Variants in PPP3CB observed in about 807,000 individuals in gnomAD.
The protein encoded by PPP3CB is serine/threonine-protein phosphatase 2B catalytic subunit beta isoform.
A neutral mutation model predicts 66.4 loss-of-function variants in PPP3CB; 8 were observed. The observed-to-expected ratio is 0.12, with a 90% CI of 0.07 to 0.22. The LOEUF (loss-of-function observed/expected upper bound fraction) is 0.22, where lower values mean the gene tolerates loss of function less well. PPP3CB is among the 10% of genes least tolerant of loss of function. PPP3CB has a pLI of 1.00. For missense variants in PPP3CB, 319 were observed against 642.5 expected (o/e 0.50, Z 5.44); for synonymous variants, 208 against 221.2 (o/e 0.94, Z 0.53).
intron 8 of PPP3CB, among the ~76,000 whole-genome samples, chr10:73,470,144 TA>T (rs1366996035): frequency 2.0e-5 from 3 of 150,610 alleles, no homozygotes; most frequent in Non-Finnish European, 4.4e-5. Context: ...GCAGTAAAAA[TA>T]AAGAGAAGAA....
At chr10:73,444,575 T>C (rs1312182457) in intron 12 of PPP3CB, 150 bp downstream of exon 12, 1 of 1,549,860 alleles carries the variant, frequency 6.5e-7, no homozygotes, top group Admixed American at 2.0e-5. Context: ...AATGAGACAC[T>C]AGCTAATACA....
At chr10:73,460,611 A>G (rs1463067176) in intron 9 of PPP3CB, among the ~76,000 whole-genome samples, 1 of 152,230 alleles carries the variant, frequency 6.6e-6, no homozygotes, top group Non-Finnish European at 1.5e-5. Context: ...ATAGAAGAAA[A>G]TGTTTAAGAA....
chr10:73,464,941 T>G (rs1213517236), intron 9 of PPP3CB, among the ~76,000 whole-genome samples: 1 of 146,892 alleles, frequency 6.8e-6, no homozygotes, highest in Admixed American at 6.7e-5. Flanking sequence ...AATGAGACTG[T>G]GCCTCAAAAA....
chr10:73,455,762 G>A (rs1012270420), intron 9 of PPP3CB, among the ~76,000 whole-genome samples: 1 of 152,118 alleles, frequency 6.6e-6, no homozygotes, highest in African/African-American at 2.4e-5. Flanking sequence ...AGTAGAGATG[G>A]GGTTTCACCG....
At chr10:73,444,519 T>G (rs1268684559) in intron 12 of PPP3CB, 1 of 1,474,382 alleles carries the variant, frequency 6.8e-7, no homozygotes, top group Admixed American at 2.1e-5. Context: ...TATTTTCAAT[T>G]GAAAGGAATA....
In PPP3CB at chr10:73,492,018, A is replaced by G. The variant is rs375085928; in HGVS notation, c.85+3787T>C. On this transcript the variant is annotated intron_variant, in intron 1 of 13. Coordinates refer to ENST00000360663, the MANE Select transcript of PPP3CB (RefSeq NM_021132.4). ...TAAATAAACAAAAAGTAATCCTCCT[A>G]AAGGAAAGCTACTAGAAAACACTTT... Among the ~76,000 whole-genome samples, 4 of 152,226 alleles carry G rather than the reference A, an allele frequency of 2.6e-5. No homozygotes were observed. The East Asian group carries it at 5.8e-4, about 22-fold the overall frequency.
At position 73,491,022 on chromosome 10, in the gene PPP3CB, GTTTT is replaced by G. The variant is rs528238766; in HGVS notation, c.85+4779_85+4782del. ...TAATTTTTGTTTGTTTGTTTTTATTGTTTTTTTTTTTTTTTTTTTTTTTTTTTTT... is the reference window on the plus strand; with the variant it reads ...TAATTTTTGTTTGTTTGTTTTTATTGTTTTTTTTTTTTTTTTTTTTTTTTT... On this transcript the variant is annotated intron_variant, in intron 1 of 13. Transcript: ENST00000360663. Among the ~76,000 whole-genome samples, 189 of 40,876 alleles carry G rather than the reference GTTTT, an allele frequency of 4.6e-3. 1 individual carries two copies. The East Asian group carries it at 0.059, about 13-fold the overall frequency. 26.8% of individuals were successfully genotyped at this position (40,876 alleles called of 152,430 possible).
chr10:73,451,897 C>G (rs1295980415), intron 10 of PPP3CB, among the ~76,000 whole-genome samples: 1 of 151,830 alleles, frequency 6.6e-6, no homozygotes, highest in Non-Finnish European at 1.5e-5. Flanking sequence ...AAGCACCCAC[C>G]ACAACGACCG....
intron 1 of PPP3CB, among the ~76,000 whole-genome samples, chr10:73,480,182 TAGG>T (rs1303426270): frequency 6.6e-6 from 1 of 152,214 alleles, no homozygotes; most frequent in East Asian, 1.9e-4. Flanking sequence ...CAAATTAATT[TAGG>T]AGGCTTAAAA....
In PPP3CB at chr10:73,473,150, T is replaced by C. The variant is rs770115472; in HGVS notation, c.524-1537A>G. On this transcript the variant is annotated intron_variant, in intron 4 of 13. Coordinates refer to ENST00000360663, the MANE Select transcript of PPP3CB (RefSeq NM_021132.4). ...TCAAGCATGCACTTTCCAGGTCTTATCTTACTCATTTAGGTTAACTGCCTG... is the reference window on the plus strand; with the variant it reads ...TCAAGCATGCACTTTCCAGGTCTTACCTTACTCATTTAGGTTAACTGCCTG... Among the ~76,000 whole-genome samples the C allele has an allele frequency of 6.6e-5, 10 of 152,180 alleles. 1 individual carries two copies. Among genetic ancestry groups the C allele is most frequent in the Non-Finnish European group, 4.4e-5 (3 of 68,022 alleles).
chr10:73,478,460 C>CA, intron 3 of PPP3CB, 39 bp downstream of exon 3: 1 of 1,571,640 alleles, frequency 6.4e-7, no homozygotes, highest in Non-Finnish European at 8.7e-7. Flanking sequence ...TCTGTGTTAA[C>CA]ACTTAACAGC....
intron 1 of PPP3CB, among the ~76,000 whole-genome samples, chr10:73,487,458 G>A (rs1399897467): frequency 1.3e-5 from 2 of 149,046 alleles, no homozygotes; most frequent in Admixed American, 6.8e-5. Flanking sequence ...TGAGGCAGGA[G>A]AGTTGCTTGA....
chr10:73,482,388 C>A (rs2056893459), intron 1 of PPP3CB, among the ~76,000 whole-genome samples: 1 of 151,422 alleles, frequency 6.6e-6, no homozygotes, highest in Non-Finnish European at 1.5e-5. Flanking sequence ...ACTAAAAATA[C>A]AAAAATTAGC....
intron 3 of PPP3CB, among the ~76,000 whole-genome samples, chr10:73,477,891 T>C (rs1447266429): frequency 4.6e-5 from 7 of 151,878 alleles, no homozygotes; most frequent in Admixed American, 1.3e-4. Flanking sequence ...TACTCCAGCA[T>C]GGGCCACAGA....
At chr10:73,440,045 CAAATT>C in intron 12 of PPP3CB, 144 bp from the exon 13 acceptor site, 1 of 826,218 alleles carries the variant, frequency 1.2e-6, no homozygotes, top group Non-Finnish European at 1.9e-6. Context: ...AAATAGTACC[CAAATT>C]AGAGAGCCCC....
At position 73,486,295 on chromosome 10, in the gene PPP3CB, G is replaced by GT. The variant is rs1206671127; in HGVS notation, c.86-6779dup. 7.1e-3 allele frequency among the ~76,000 whole-genome samples: 837 copies of GT among 117,778 alleles called. 9 individuals are homozygous for GT. Among genetic ancestry groups the GT allele is most frequent in the Middle Eastern group, 0.011 (2 of 182 alleles). 77.3% of individuals were successfully genotyped at this position (117,778 alleles called of 152,430 possible). A position where few individuals can be genotyped will look rare whatever the true frequency, so the allele number is the denominator to read the frequency against. On this transcript the variant is annotated intron_variant, in intron 1 of 13. Transcript: ENST00000360663. ...GGGTTTCACTATGTTGGCCAGACTG[G>GT]TTTTTTTTTTTTTTTTTTTTTTCTT...
At chr10:73,487,588 A>C (rs200654911) in intron 1 of PPP3CB, among the ~76,000 whole-genome samples, 5,490 of 148,818 alleles carry the variant, frequency 0.037, 361 homozygotes, top group African/African-American at 0.13. Flanking sequence ...AAAAAAACAA[A>C]CAGGAAAAAC....
chr10:73,495,687 A>C, intron 1 of PPP3CB, 118 bp downstream of exon 1: 1 of 1,413,100 alleles, frequency 7.1e-7, no homozygotes, highest in South Asian at 1.3e-5. Flanking sequence ...TCCCCAAGGG[A>C]GGCAGCCAGT....
chr10:73,479,544 A>G (rs578129917), intron 1 of PPP3CB, 27 bp from the exon 2 acceptor site: 33 of 1,592,836 alleles, frequency 2.1e-5, no homozygotes, highest in East Asian at 6.7e-5. Flanking sequence ...TTAATAAAAG[A>G]TAAGTCACCA....
Sources: allele counts gnomAD v4.1 joint callset (sites outside exome capture counted in the v4.1 genomes callset), GRCh38; gene constraint gnomAD v4.1.1; transcripts MANE v1.5; gene names NCBI Gene and HGNC (gene_info 2026-07-23, HGNC 2026-07-21).